NRG3: variants seen among roughly 807,000 people sequenced by gnomAD.
NRG3 encodes the protein neuregulin 3.
A neutral mutation model predicts 66.9 loss-of-function variants in NRG3; 31 were observed. The observed-to-expected ratio is 0.46, with a 90% CI of 0.35 to 0.63. The LOEUF (loss-of-function observed/expected upper bound fraction) is 0.63. Ranked by LOEUF, NRG3 falls within the 20% of genes least tolerant of loss-of-function variation. The pLI, the probability that NRG3 is intolerant of heterozygous loss-of-function variation, is 0.00. For synonymous variants in NRG3, 393 were observed against 359.4 expected, an observed-to-expected ratio of 1.09 and a Z score of -1.06; for missense variants, 910 against 878.9, an observed-to-expected ratio of 1.04 and a Z score of -0.45.
At chr10:82,189,342 T>C (rs1376028758) in intron 1 of NRG3, among the ~76,000 whole-genome samples, 1 of 152,146 alleles carries the variant, frequency 6.6e-6, no homozygotes, top group East Asian at 1.9e-4. Flanking sequence ...CCTTAATAAA[T>C]GTGTGTGTTG....
rs776739831 is a variant in NRG3 at position 82,124,428 on chromosome 10, A to G, written c.824-234311A>G. Among the ~76,000 whole-genome samples, 29 of 152,042 alleles carry G rather than the reference A, an allele frequency of 1.9e-4. 1 individual carries two copies. Among genetic ancestry groups the G allele is most frequent in the Admixed American group, 1.3e-4 (2 of 15,234 alleles). Reference sequence around the variant, plus strand: ...CCCAAAATATATACTTTTTACCCCAATGAGTAAGGATAAAAATATTTAACA... The same window carrying G: ...CCCAAAATATATACTTTTTACCCCAGTGAGTAAGGATAAAAATATTTAACA... On this transcript the variant is annotated intron_variant, in intron 1 of 8. Coordinates refer to ENST00000372141, the MANE Select transcript of NRG3 (RefSeq NM_001010848.4).
At chr10:82,685,226 A>AT (rs1408932886) in intron 2 of NRG3, among the ~76,000 whole-genome samples, 1 of 152,152 alleles carries the variant, frequency 6.6e-6, no homozygotes, top group African/African-American at 2.4e-5. Flanking sequence ...GGCTCATGCA[A>AT]TTTTAAAGCA....
intron 3 of NRG3, among the ~76,000 whole-genome samples, chr10:82,785,374 TA>T (rs1329593876): frequency 1.3e-5 from 2 of 150,960 alleles, no homozygotes; most frequent in Non-Finnish European, 3.0e-5. Context: ...AAAATTAAAT[TA>T]AATTAAATTA....
At chr10:82,806,694 AAG>A (rs2061299404) in intron 3 of NRG3, among the ~76,000 whole-genome samples, 1 of 152,172 alleles carries the variant, frequency 6.6e-6, no homozygotes, top group African/African-American at 2.4e-5. Context: ...AGGAGGGAAA[AAG>A]AGAATAATTT....
Position 82,956,920 on chromosome 10 carries a change from A to T in NRG3, c.1158-2029A>T, listed in dbSNP as rs191182036. ...AAGCAACTAAGAGTGCTAGAGATAA[A>T]AGTCTCCCAAATAATTGGAAAGATA... On this transcript the variant is annotated intron_variant, in intron 5 of 8. Transcript: ENST00000372141. Among the ~76,000 whole-genome samples, 7 of 152,128 alleles carry T rather than the reference A, an allele frequency of 4.6e-5. No individual in the cohort carries two copies. The East Asian group carries it at 1.3e-3, about 29-fold the overall frequency.
chr10:82,417,392 TGAA>T (rs1564898054), intron 2 of NRG3, among the ~76,000 whole-genome samples: 2 of 152,160 alleles, frequency 1.3e-5, no homozygotes, highest in Non-Finnish European at 2.9e-5. Context: ...GAATTATGTA[TGAA>T]GAAGGAGCAT....
chr10:82,879,189 A>G (rs1842082006), intron 4 of NRG3, among the ~76,000 whole-genome samples: 1 of 152,220 alleles, frequency 6.6e-6, no homozygotes, highest in African/African-American at 2.4e-5. Context: ...GTGATAGTAG[A>G]ACTTGCTTGT....
At chr10:82,461,313 ACACCATCACCAC>A (rs1376293479) in intron 2 of NRG3, among the ~76,000 whole-genome samples, 5 of 150,680 alleles carry the variant, frequency 3.3e-5, no homozygotes, top group African/African-American at 1.2e-4. Flanking sequence ...GCTATCATCA[ACACCATCACCAC>A]CACCACCACC....
intron 2 of NRG3, among the ~76,000 whole-genome samples, chr10:82,504,276 C>T (rs1371970353): frequency 6.6e-6 from 1 of 152,162 alleles, no homozygotes; most frequent in African/African-American, 2.4e-5. Context: ...TGGGAAGAGC[C>T]ATACCAGAAT....
chr10:81,915,548 C>T (rs1308717563), intron 1 of NRG3, among the ~76,000 whole-genome samples: 1 of 132,344 alleles, frequency 7.6e-6, no homozygotes, highest in African/African-American at 3.0e-5. Context: ...TGGAAAATAT[C>T]CTTGGTGCTC....
At chr10:82,168,680 T>C (rs563146733) in intron 1 of NRG3, among the ~76,000 whole-genome samples, 2 of 152,250 alleles carry the variant, frequency 1.3e-5, no homozygotes, top group African/African-American at 4.8e-5. Flanking sequence ...GTTTCCATAG[T>C]GGTGCAAGGT....
intron 1 of NRG3, among the ~76,000 whole-genome samples, chr10:81,950,370 G>A (rs1849242471): frequency 6.6e-6 from 1 of 152,144 alleles, no homozygotes; most frequent in Admixed American, 6.6e-5. Context: ...AAGGTATTTT[G>A]TTTTCTGTGA....
chr10:82,290,773 A>G (rs1321938996), intron 1 of NRG3, among the ~76,000 whole-genome samples: 1 of 150,988 alleles, frequency 6.6e-6, no homozygotes, highest in African/African-American at 2.4e-5. Context: ...AGCTGGGACT[A>G]CAGGCATCCA....
chr10:82,870,481 A>T (rs1166498341), intron 4 of NRG3, among the ~76,000 whole-genome samples: 1 of 152,060 alleles, frequency 6.6e-6, no homozygotes, highest in Non-Finnish European at 1.5e-5. Flanking sequence ...TATGGGAAGG[A>T]TATGTTTAGT....
intron 1 of NRG3, among the ~76,000 whole-genome samples, chr10:82,155,749 A>G (rs560222097): frequency 1.0e-3 from 155 of 151,868 alleles, no homozygotes; most frequent in Non-Finnish European, 2.0e-3. Flanking sequence ...TTGACTGGTG[A>G]CCATGTTATT....
At chr10:82,902,126 A>G (rs1400496782) in intron 4 of NRG3, among the ~76,000 whole-genome samples, 2 of 152,164 alleles carry the variant, frequency 1.3e-5, no homozygotes, top group African/African-American at 2.4e-5. Flanking sequence ...ATCATGGACA[A>G]CCTTGATGAT....
At chr10:82,712,547 G>A (rs1366455249) in intron 2 of NRG3, among the ~76,000 whole-genome samples, 1 of 152,200 alleles carries the variant, frequency 6.6e-6, no homozygotes, top group Admixed American at 6.5e-5. Context: ...CAGATAATTT[G>A]TATTCCATAA....
chr10:82,352,001 T>A (rs73314446), intron 1 of NRG3, among the ~76,000 whole-genome samples: 8,267 of 152,262 alleles, frequency 0.054, 491 homozygotes, highest in African/African-American at 0.14. Context: ...TATAGAGTAG[T>A]TCAAACTCCC....
intron 4 of NRG3, among the ~76,000 whole-genome samples, chr10:82,945,729 T>C (rs1848957961): frequency 6.6e-6 from 1 of 152,214 alleles, no homozygotes; most frequent in Non-Finnish European, 1.5e-5. Context: ...GGAGCCTTCA[T>C]TGCCTAATCA....
Sources: gnomAD v4.1 joint callset for allele counts (sites outside exome capture counted in the v4.1 genomes callset) on GRCh38, gnomAD v4.1.1 for gene constraint, MANE v1.5 for transcripts, NCBI Gene and HGNC (gene_info 2026-07-23, HGNC 2026-07-21) for gene names.